BTC: variants seen among roughly 807,000 people sequenced by gnomAD.
BTC encodes probetacellulin.
In BTC, 13 loss-of-function variants were observed where a neutral mutation model predicts 18.1. The ratio of observed to expected loss-of-function variants is 0.72; its 90% confidence interval spans 0.47 to 1.14. The LOEUF is 1.14. Ranked by LOEUF, BTC falls within the 50% of genes most tolerant of loss-of-function variation. The pLI is 0.00. For missense variants in BTC, 247 were observed against 224.2 expected (o/e 1.10, Z -0.65); for synonymous variants, 83 against 79.4 (o/e 1.05, Z -0.24).
At chr4:74,785,926 A>AT (rs1353330025) in intron 1 of BTC, among the ~76,000 whole-genome samples, 2 of 152,204 alleles carry the variant, frequency 1.3e-5, no homozygotes, top group Non-Finnish European at 2.9e-5. Flanking sequence ...GAAATGAATT[A>AT]TTATGCTCTT....
chr4:74,791,563 T>G (rs1419787191), intron 1 of BTC, among the ~76,000 whole-genome samples: 1 of 152,168 alleles, frequency 6.6e-6, no homozygotes, highest in African/African-American at 2.4e-5. Flanking sequence ...TTAAATGTAT[T>G]TGTACCATAT....
intron 1 of BTC, among the ~76,000 whole-genome samples, chr4:74,770,615 G>A (rs1014152966): frequency 6.6e-6 from 1 of 152,048 alleles, no homozygotes; most frequent in African/African-American, 2.4e-5. Context: ...TGATCCATGA[G>A]AATTCTTTAA....
chr4:74,758,246 T>C (rs1474561759), intron 2 of BTC, among the ~76,000 whole-genome samples: 1 of 152,184 alleles, frequency 6.6e-6, no homozygotes, highest in African/African-American at 2.4e-5. Context: ...AAATCTCAGA[T>C]ATCAGTAGGC....
chr4:74,773,945 G>T (rs1725113683), intron 1 of BTC, among the ~76,000 whole-genome samples: 1 of 150,458 alleles, frequency 6.6e-6, no homozygotes, highest in African/African-American at 2.5e-5. Flanking sequence ...AGTATAATAT[G>T]TACAACAACG....
chr4:74,794,148 C>T, intron 1 of BTC, 114 bp downstream of exon 1: 3 of 1,367,382 alleles, frequency 2.2e-6, no homozygotes, highest in Non-Finnish European at 3.0e-6. Context: ...CCCGCGCCTG[C>T]CAGCCCCAGC....
chr4:74,756,297 C>T (rs1724596899), intron 2 of BTC, among the ~76,000 whole-genome samples: 1 of 152,100 alleles, frequency 6.6e-6, no homozygotes, highest in South Asian at 2.1e-4. Context: ...TGAAAGTTAT[C>T]AGAGCCACAC....
intron 4 of BTC, among the ~76,000 whole-genome samples, chr4:74,749,474 C>CT (rs1724388985): frequency 2.2e-5 from 3 of 137,416 alleles, no homozygotes; most frequent in Non-Finnish European, 3.1e-5. Context: ...CAGAGCAAGA[C>CT]TCTGTCTCAA....
intron 2 of BTC, among the ~76,000 whole-genome samples, chr4:74,757,732 T>C (rs1209986412): frequency 6.6e-6 from 1 of 152,236 alleles, no homozygotes; most frequent in Non-Finnish European, 1.5e-5. Context: ...TTTAGTACAC[T>C]GGAAACAGTA....
intron 1 of BTC, among the ~76,000 whole-genome samples, chr4:74,787,476 G>A (rs1725510287): frequency 6.6e-6 from 1 of 152,020 alleles, no homozygotes; most frequent in African/African-American, 2.4e-5. Context: ...GAAATACTAA[G>A]ATTTTTTTTA....
chr4:74,757,663 A>C (rs1724636869), intron 2 of BTC, among the ~76,000 whole-genome samples: 1 of 152,262 alleles, frequency 6.6e-6, no homozygotes, highest in Non-Finnish European at 1.5e-5. Context: ...AATAGAATAA[A>C]TAAAAAACAA....
intron 1 of BTC, among the ~76,000 whole-genome samples, chr4:74,786,959 G>T (rs1337665815): frequency 6.8e-6 from 1 of 148,018 alleles, no homozygotes; most frequent in Non-Finnish European, 1.5e-5. Flanking sequence ...TTGCCAACAA[G>T]AAATACAATT....
At chr4:74,758,406 G>A (rs1273252232) in intron 2 of BTC, among the ~76,000 whole-genome samples, 1 of 152,026 alleles carries the variant, frequency 6.6e-6, no homozygotes, top group Non-Finnish European at 1.5e-5. Context: ...TCTTAGTGGG[G>A]GCAAAGAGAA....
At position 74,755,887 on chromosome 4, in the gene BTC, C is replaced by T. The variant is rs367987587; in HGVS notation, c.253G>A (p.Val85Met). ...CAGGAGGGCGTCTGCTCGGCCACCA[C>T]GAAGCGGCATCTCCCTTTGATGCAG... ...HYCIKGRCRF[V>M]VAEQTPSCVC... The change falls in exon 3 of 6, where the codon GTG (valine) becomes ATG (methionine). Residue 85 changes from valine (V) to methionine (M), a missense_variant. Physicochemically the swap from Val to Met is conservative, Grantham distance 21 (BLOSUM62 1). Transcript: ENST00000395743. 3.0e-5 allele frequency: 49 copies of T among 1,614,122 alleles called. No individual in the cohort carries two copies. The highest frequency in any genetic ancestry group is 8.8e-5 in the South Asian group (8 of 91,080).
At chr4:74,761,334 A>G (rs1553957301) in intron 2 of BTC, among the ~76,000 whole-genome samples, 1 of 151,982 alleles carries the variant, frequency 6.6e-6, no homozygotes, top group Non-Finnish European at 1.5e-5. Flanking sequence ...GCCTCCCTGA[A>G]CCTCTAAAAT....
chr4:74,788,749 T>C (rs945945082), intron 1 of BTC, among the ~76,000 whole-genome samples: 1 of 152,244 alleles, frequency 6.6e-6, no homozygotes. Flanking sequence ...GATATGTTAA[T>C]GTTTTGCTAA....
intron 3 of BTC, among the ~76,000 whole-genome samples, chr4:74,753,055 G>C (rs1724506589): frequency 6.6e-6 from 1 of 152,142 alleles, no homozygotes; most frequent in Non-Finnish European, 1.5e-5. Flanking sequence ...CATATCAGCT[G>C]GTGTTTATTT....
chr4:74,783,246 G>A (rs536992917), intron 1 of BTC, among the ~76,000 whole-genome samples: 1 of 152,268 alleles, frequency 6.6e-6, no homozygotes, highest in South Asian at 2.1e-4. Context: ...TGACATTTAA[G>A]TATTTCATCC....
At chr4:74,760,937 T>G (rs1724739401) in intron 2 of BTC, among the ~76,000 whole-genome samples, 1 of 152,044 alleles carries the variant, frequency 6.6e-6, no homozygotes, top group Non-Finnish European at 1.5e-5. Flanking sequence ...GGTTTCACCG[T>G]TTTAGCCAGG....
chr4:74,786,379 A>G (rs1272525139), intron 1 of BTC, among the ~76,000 whole-genome samples: 3 of 152,174 alleles, frequency 2.0e-5, no homozygotes, highest in Non-Finnish European at 2.9e-5. Context: ...CTTAAATTTA[A>G]CCACTAAAGA....
Sources: allele counts gnomAD v4.1 joint callset (sites outside exome capture counted in the v4.1 genomes callset), GRCh38; gene constraint gnomAD v4.1.1; transcripts MANE v1.5; gene names NCBI Gene and HGNC (gene_info 2026-07-23, HGNC 2026-07-21).